RABGAP1L: variants seen among roughly 807,000 people sequenced by gnomAD.
RABGAP1L encodes rab GTPase-activating protein 1-like.
A neutral mutation model predicts 137.7 loss-of-function variants in RABGAP1L; 63 were observed. The observed-to-expected ratio is 0.46, with a 90% CI of 0.37 to 0.56. The LOEUF (loss-of-function observed/expected upper bound fraction) is 0.56. Among genes scored for constraint, RABGAP1L ranks in the 20% least tolerant of loss-of-function variants. RABGAP1L has a pLI of 0.00. For synonymous variants in RABGAP1L, 431 were observed against 433.7 expected (o/e 0.99, Z 0.08); for missense variants, 1,095 against 1,244.0 (o/e 0.88, Z 1.80).
intron 4 of RABGAP1L, among the ~76,000 whole-genome samples, 195 bp downstream of exon 4, chr1:174,231,550 G>A (rs1366248538): frequency 6.6e-6 from 1 of 152,118 alleles, no homozygotes; most frequent in Non-Finnish European, 1.5e-5. Flanking sequence ...TTCTTGCACT[G>A]CAATAAAGAA....
At chr1:174,892,083 C>A (rs937613581) in intron 19 of RABGAP1L, among the ~76,000 whole-genome samples, 1 of 152,226 alleles carries the variant, frequency 6.6e-6, no homozygotes, top group South Asian at 2.1e-4. Context: ...TAGCTGGAGC[C>A]TCTGCGACTA....
intron 13 of RABGAP1L, among the ~76,000 whole-genome samples, chr1:174,636,210 T>C (rs755642343): frequency 2.5e-4 from 38 of 152,210 alleles, no homozygotes; most frequent in Non-Finnish European, 1.0e-4. Flanking sequence ...TAAATTTGTC[T>C]TCAACAAATA....
Position 174,821,712 on chromosome 1 carries a change from G to A in RABGAP1L, c.2340+9752G>A, listed in dbSNP as rs370420673. On this transcript the variant is annotated intron_variant, in intron 19 of 25. Coordinates refer to ENST00000681986, the MANE Select transcript of RABGAP1L (RefSeq NM_001366446.1). ...GTTGTTGCTGTACGTGAACAAGAAT[G>A]TACTCTCTGAAATAGAGGCTTTCTT... Among the ~76,000 whole-genome samples, 6 of 152,310 alleles carry A rather than the reference G, an allele frequency of 3.9e-5. No individual in the cohort carries two copies. In the East Asian group the frequency reaches 1.2e-3, roughly 29 times the overall value.
intron 11 of RABGAP1L, among the ~76,000 whole-genome samples, chr1:174,343,611 CTCTT>C (rs1000285728): frequency 3.3e-5 from 5 of 152,102 alleles, no homozygotes; most frequent in African/African-American, 9.7e-5. Context: ...TTAAGAACTG[CTCTT>C]TCTGTCAGAG....
At chr1:174,916,255 A>G (rs961338360) in intron 19 of RABGAP1L, among the ~76,000 whole-genome samples, 3 of 152,214 alleles carry the variant, frequency 2.0e-5, no homozygotes, top group South Asian at 2.1e-4. Flanking sequence ...TGAACTCTCA[A>G]TTCTGTTCTG....
intron 19 of RABGAP1L, among the ~76,000 whole-genome samples, chr1:174,889,148 G>A (rs1260482827): frequency 1.3e-5 from 2 of 148,654 alleles, no homozygotes; most frequent in African/African-American, 4.9e-5. Flanking sequence ...TTTTGAGATG[G>A]AGTCTCGCTC....
chr1:174,662,260 C>A (rs373902372), intron 14 of RABGAP1L, among the ~76,000 whole-genome samples: 1 of 152,026 alleles, frequency 6.6e-6, no homozygotes, highest in East Asian at 1.9e-4. Flanking sequence ...TGTACCACCA[C>A]GCCCAACTAA....
At chr1:174,621,794 C>G (rs541115164) in intron 13 of RABGAP1L, among the ~76,000 whole-genome samples, 2 of 152,216 alleles carry the variant, frequency 1.3e-5, no homozygotes, top group East Asian at 1.9e-4. Flanking sequence ...TAGGCATGGG[C>G]AAGGACTTCA....
chr1:174,572,194 T>C (rs1668031388), intron 13 of RABGAP1L, among the ~76,000 whole-genome samples: 1 of 152,236 alleles, frequency 6.6e-6, no homozygotes, highest in African/African-American at 2.4e-5. Context: ...AGACCAGTCC[T>C]TCTACCATCT....
intron 13 of RABGAP1L, among the ~76,000 whole-genome samples, chr1:174,518,827 AG>A (rs1663101631): frequency 6.6e-6 from 1 of 152,170 alleles, no homozygotes; most frequent in Non-Finnish European, 1.5e-5. Context: ...TTGCCTTGAC[AG>A]TCACTCTCTA....
At position 174,788,284 on chromosome 1, in the gene RABGAP1L, G is replaced by A. The variant is rs531766268; in HGVS notation, c.2212-23548G>A. Among the ~76,000 whole-genome samples the A allele has an allele frequency of 5.9e-5, 9 of 152,274 alleles. No individual in the cohort carries two copies. In the East Asian group the frequency reaches 1.7e-3, roughly 29 times the overall value. On this transcript the variant is annotated intron_variant, in intron 18 of 25. Transcript: ENST00000681986. ...AGCCACTGTGTTCATTTATCAGGAG[G>A]CATTCTGCTTCCTCTGTGGTGTGCC...
chr1:174,841,242 T>C (rs915441853), intron 19 of RABGAP1L, among the ~76,000 whole-genome samples: 1 of 152,042 alleles, frequency 6.6e-6, no homozygotes, highest in African/African-American at 2.4e-5. Flanking sequence ...AAAGAAAATT[T>C]CAAAGAATTT....
At chr1:174,719,306 A>G (rs1213521065) in intron 17 of RABGAP1L, among the ~76,000 whole-genome samples, 1 of 152,248 alleles carries the variant, frequency 6.6e-6, no homozygotes, top group Non-Finnish European at 1.5e-5. Flanking sequence ...TTTGAAAAGT[A>G]CTGATAAACC....
Position 174,874,538 on chromosome 1 carries a change from A to G in RABGAP1L, c.2340+62578A>G, listed in dbSNP as rs1043131105. On this transcript the variant is annotated intron_variant, in intron 19 of 25. Transcript: ENST00000681986. The stretch of plus-strand genomic sequence containing the variant: ...TTTAGCTTCAAATGGTATTGTCCAC[A>G]CCACAGCCCTTGATCTCAGGTAATT... 6.3e-6 allele frequency: 6 copies of G among 953,522 alleles called. No homozygotes were observed. The African/African-American group carries it at 1.1e-4, about 18-fold the overall frequency. 59.1% of individuals were successfully genotyped at this position (953,522 alleles called of 1,614,324 possible).
chr1:174,628,376 A>T (rs1007422327), intron 13 of RABGAP1L, among the ~76,000 whole-genome samples: 1 of 152,210 alleles, frequency 6.6e-6, no homozygotes, highest in African/African-American at 2.4e-5. Context: ...TCTAAAATGT[A>T]TATTCACCGA....
At chr1:174,582,267 C>T (rs1204310841) in intron 13 of RABGAP1L, among the ~76,000 whole-genome samples, 2 of 151,990 alleles carry the variant, frequency 1.3e-5, no homozygotes, top group East Asian at 3.9e-4. Flanking sequence ...GCCTGGGCAA[C>T]AGAGTAAGAC....
chr1:174,905,908 T>C (rs1047504527), intron 19 of RABGAP1L, among the ~76,000 whole-genome samples: 3 of 151,242 alleles, frequency 2.0e-5, no homozygotes, highest in African/African-American at 7.3e-5. Context: ...AGAAAAAGAA[T>C]GAAAAGGAAT....
chr1:174,690,540 AATTAATAATTATTTGCTTTTAC>A (rs1431721376), intron 15 of RABGAP1L, among the ~76,000 whole-genome samples: 1 of 152,132 alleles, frequency 6.6e-6, no homozygotes, highest in East Asian at 1.9e-4. Context: ...TTATTTTTTA[AATTAATAATTATTTGCTTTTAC>A]ATTAATAATT....
At chr1:174,511,597 T>C (rs1662346176) in intron 13 of RABGAP1L, among the ~76,000 whole-genome samples, 1 of 151,830 alleles carries the variant, frequency 6.6e-6, no homozygotes, top group Admixed American at 6.6e-5. Flanking sequence ...ACTAATTCTC[T>C]CCTAGTGGGC....
Sources: gnomAD v4.1 joint callset for allele counts (sites outside exome capture counted in the v4.1 genomes callset) on GRCh38, gnomAD v4.1.1 for gene constraint, MANE v1.5 for transcripts, NCBI Gene and HGNC (gene_info 2026-07-23, HGNC 2026-07-21) for gene names.